Variants in STXBP5 observed in about 807,000 individuals in gnomAD.
STXBP5 encodes the protein syntaxin-binding protein 5.
A neutral mutation model predicts 152.4 loss-of-function variants in STXBP5; 50 were observed. The observed-to-expected ratio is 0.33, with a 90% CI of 0.26 to 0.42. STXBP5 has a LOEUF of 0.42. Among genes scored for constraint, STXBP5 ranks in the 10% least tolerant of loss-of-function variants. The probability of loss-of-function intolerance (pLI) is 1.00; values close to 1 mark genes in which losing one functional copy is unlikely to be tolerated. For synonymous variants in STXBP5, 492 were observed against 494.7 expected, an observed-to-expected ratio of 0.99 and a Z score of 0.07; for missense variants, 1,167 against 1,388.6, an observed-to-expected ratio of 0.84 and a Z score of 2.54.
chr6:147,325,222 G>C (rs2128385178), intron 17 of STXBP5, 138 bp downstream of exon 17: 1 of 885,400 alleles, frequency 1.1e-6, no homozygotes, highest in Non-Finnish European at 1.5e-6. Flanking sequence ...AGACGAAATT[G>C]ACTGTTTATT....
chr6:147,222,431 G>C (rs376787891), intron 2 of STXBP5, among the ~76,000 whole-genome samples: 2 of 152,104 alleles, frequency 1.3e-5, no homozygotes, highest in Non-Finnish European at 2.9e-5. Flanking sequence ...GTTTTTTAGT[G>C]AGTCTGTGCT....
chr6:147,342,305 A>C (rs1230120021), intron 21 of STXBP5, among the ~76,000 whole-genome samples: 2 of 152,186 alleles, frequency 1.3e-5, no homozygotes, highest in Non-Finnish European at 2.9e-5. Flanking sequence ...AGCTAGAGCA[A>C]ACTCTGGAGT....
At chr6:147,330,922 T>C (rs754608909) in intron 18 of STXBP5, among the ~76,000 whole-genome samples, 7 of 152,200 alleles carry the variant, frequency 4.6e-5, no homozygotes, top group Non-Finnish European at 1.0e-4. Flanking sequence ...TTATTTGTTA[T>C]GTGTTGTCTA....
At chr6:147,274,522 G>A (rs1780344484) in intron 7 of STXBP5, among the ~76,000 whole-genome samples, 1 of 152,052 alleles carries the variant, frequency 6.6e-6, no homozygotes, top group Admixed American at 6.5e-5. Flanking sequence ...CTTCTATGGT[G>A]TAACTATATT....
At chr6:147,368,269 A>T (rs1284286836) in intron 25 of STXBP5, among the ~76,000 whole-genome samples, 2 of 152,062 alleles carry the variant, frequency 1.3e-5, no homozygotes, top group Non-Finnish European at 2.9e-5. Flanking sequence ...AAAAAAAAAA[A>T]ATTTTTGCAA....
At chr6:147,366,908 C>T (rs1333012888) in intron 25 of STXBP5, among the ~76,000 whole-genome samples, 1 of 152,128 alleles carries the variant, frequency 6.6e-6, no homozygotes, top group Admixed American at 6.5e-5. Context: ...AACTATTTAG[C>T]ACCCAGTGAG....
intron 2 of STXBP5, among the ~76,000 whole-genome samples, chr6:147,220,146 ATTGTT>A (rs1455208411): frequency 4.6e-5 from 7 of 152,016 alleles, no homozygotes; most frequent in African/African-American, 1.7e-4. Flanking sequence ...TGTTAATAGA[ATTGTT>A]TTGTTTAATC....
intron 26 of STXBP5, among the ~76,000 whole-genome samples, chr6:147,379,168 A>G (rs149869722): frequency 5.9e-5 from 9 of 152,260 alleles, no homozygotes; most frequent in Non-Finnish European, 1.3e-4. Flanking sequence ...TACCTAAATA[A>G]TGCAGGATGA....
At chr6:147,319,828 CTTTTTTTTTTTTTTTT>C (rs55948948) in intron 16 of STXBP5, among the ~76,000 whole-genome samples, 1 of 71,598 alleles carries the variant, frequency 1.4e-5, no homozygotes, top group Non-Finnish European at 2.5e-5. Flanking sequence ...TATCTGGATT[CTTTTTTTTTTTTTTTT>C]TTTTTTTTTT....
chr6:147,291,028 A>G, intron 8 of STXBP5, 66 bp from the exon 9 acceptor site: 1 of 1,184,124 alleles, frequency 8.4e-7, no homozygotes, highest in Admixed American at 2.2e-5. Flanking sequence ...CATTTTATAA[A>G]CTATCAATGT....
At chr6:147,377,484 A>G (rs926205132) in intron 26 of STXBP5, among the ~76,000 whole-genome samples, 7 of 152,210 alleles carry the variant, frequency 4.6e-5, no homozygotes, top group African/African-American at 1.4e-4. Context: ...TCAGGCTGCT[A>G]TATCAAAATA....
At chr6:147,206,446 T>C (rs1719346258) in intron 2 of STXBP5, among the ~76,000 whole-genome samples, 1 of 152,206 alleles carries the variant, frequency 6.6e-6, no homozygotes, top group Non-Finnish European at 1.5e-5. Flanking sequence ...TTATGCATGG[T>C]AGATATTGAA....
At chr6:147,313,232 G>T (rs1381518018) in intron 11 of STXBP5, among the ~76,000 whole-genome samples, 1 of 152,042 alleles carries the variant, frequency 6.6e-6, no homozygotes, top group Non-Finnish European at 1.5e-5. Context: ...AAATTTTTTA[G>T]CCAGTTTCTG....
chr6:147,362,824 T>C (rs551298466), intron 23 of STXBP5, among the ~76,000 whole-genome samples: 24 of 152,352 alleles, frequency 1.6e-4, no homozygotes, highest in African/African-American at 5.5e-4. Context: ...GCATTTTACA[T>C]TGAACTTTTT....
rs914124637 is a variant in STXBP5, at chr6:147,389,364, C to A, written c.*4609C>A. On this transcript the variant is annotated 3_prime_UTR_variant, in exon 28 of 28. Coordinates refer to ENST00000321680, the MANE Select transcript of STXBP5 (RefSeq NM_001127715.4). ...ATGAATTAAATGATTTTAATAACTTCCCAATTACCAGGGTTATAACATTGC... is the reference window on the plus strand; with the variant it reads ...ATGAATTAAATGATTTTAATAACTTACCAATTACCAGGGTTATAACATTGC... 6.6e-6 allele frequency: 1 copy of A among 151,798 alleles called. No homozygotes were observed. Among genetic ancestry groups the A allele is most frequent in the Non-Finnish European group, 1.5e-5 (1 of 67,762 alleles). The allele number at this position is 151,798 out of a possible 1,614,324, so 9.4% of individuals were successfully genotyped here.
intron 2 of STXBP5, among the ~76,000 whole-genome samples, chr6:147,226,031 G>T (rs532709666): frequency 6.6e-6 from 1 of 152,212 alleles, no homozygotes; most frequent in Admixed American, 6.5e-5. Flanking sequence ...GATATGACTG[G>T]AGCGGACATG....
chr6:147,315,848 A>G, intron 15 of STXBP5, 113 bp downstream of exon 15: 1 of 852,664 alleles, frequency 1.2e-6, no homozygotes, highest in Non-Finnish European at 1.8e-6. Context: ...TTTTGAAAAC[A>G]CCTTAGTATT....
At position 147,338,864 on chromosome 6, in the gene STXBP5, G is replaced by A. The variant is rs570614796; in HGVS notation, c.2147-315G>A. ...ATCAAGAATTCCAGATTTTTTCGAAGAAACAGTTAAACACTATTTATAGTT... is the reference window on the plus strand; with the variant it reads ...ATCAAGAATTCCAGATTTTTTCGAAAAAACAGTTAAACACTATTTATAGTT... On this transcript the variant is annotated intron_variant, in intron 19 of 27. Coordinates refer to ENST00000321680, the MANE Select transcript of STXBP5 (RefSeq NM_001127715.4). Among the ~76,000 whole-genome samples, 342 of 151,618 alleles carry A rather than the reference G, an allele frequency of 2.3e-3. 1 individual carries two copies. Among genetic ancestry groups the A allele is most frequent in the African/African-American group, 7.9e-3 (326 of 41,462 alleles).
rs1034262488 is a variant in STXBP5 at position 147,320,933 on chromosome 6, A to G, written c.1803-4026A>G. Among the ~76,000 whole-genome samples, 12 of 152,302 alleles carry G rather than the reference A, an allele frequency of 7.9e-5. No individual in the cohort carries two copies. The East Asian group carries it at 2.3e-3, about 29-fold the overall frequency. On this transcript the variant is annotated intron_variant, in intron 16 of 27. Coordinates refer to ENST00000321680, the MANE Select transcript of STXBP5 (RefSeq NM_001127715.4). ...AACTATTTCCTTTTCTTCAGCCATT[A>G]TCTTAAAATTAATTTGTTAGTAATA...
Sources: gnomAD v4.1 joint callset for allele counts (sites outside exome capture counted in the v4.1 genomes callset) on GRCh38, gnomAD v4.1.1 for gene constraint, MANE v1.5 for transcripts, NCBI Gene and HGNC (gene_info 2026-07-23, HGNC 2026-07-21) for gene names.